Variants in ATG10 observed in about 807,000 individuals in gnomAD.
ATG10 encodes the protein ubiquitin-like-conjugating enzyme ATG10.
ATG10 carries 30 observed loss-of-function variants against 32.1 expected under a neutral mutation model. The ratio of observed to expected loss-of-function variants is 0.94; its 90% CI spans 0.70 to 1.27. The LOEUF (loss-of-function observed/expected upper bound fraction) is 1.27, where lower values mean the gene tolerates loss of function less well. ATG10 is among the 50% of genes most tolerant of loss of function. ATG10 has a pLI of 0.00. For synonymous variants in ATG10, 87 were observed against 91.5 expected, an observed-to-expected ratio of 0.95 and a Z score of 0.28; for missense variants, 233 against 262.3, an observed-to-expected ratio of 0.89 and a Z score of 0.77.
rs1561334476 is a variant in ATG10, at chr5:82,164,386, T to C, written c.217-13T>C. 1 of 1,613,020 alleles carries C rather than the reference T, an allele frequency of 6.2e-7. No individual in the cohort carries two copies. The highest frequency in any genetic ancestry group is 1.7e-5 in the Admixed American group (1 of 59,808). On this transcript the variant is annotated splice_polypyrimidine_tract_variant and intron_variant, in intron 3 of 7. Transcript: ENST00000282185. ...AAGAAACCCGTTTTCGTTTTGTTTT[T>C]GCTTTTTTTTAGGAGGCTTTCGAGC...
chr5:82,146,311 A>G (rs991755933), intron 3 of ATG10, among the ~76,000 whole-genome samples: 1 of 151,860 alleles, frequency 6.6e-6, no homozygotes, highest in African/African-American at 2.4e-5. Flanking sequence ...ATGTTCCCCT[A>G]TATTTAATAT....
chr5:82,018,062 T>G (rs1762336099), intron 2 of ATG10, among the ~76,000 whole-genome samples: 1 of 152,136 alleles, frequency 6.6e-6, no homozygotes. Context: ...CAGATGTCTC[T>G]CCCTTAAGGC....
intron 3 of ATG10, among the ~76,000 whole-genome samples, chr5:82,093,058 A>C (rs1467816161): frequency 6.6e-6 from 1 of 152,172 alleles, no homozygotes; most frequent in East Asian, 1.9e-4. Context: ...TACTTGCACT[A>C]TCCTAACTCA....
intron 3 of ATG10, among the ~76,000 whole-genome samples, chr5:82,083,705 G>T (rs1764567000): frequency 6.6e-6 from 1 of 152,142 alleles, no homozygotes. Flanking sequence ...CCACTGCCAG[G>T]CCAACAGGGT....
At chr5:82,067,795 C>G (rs558474392) in intron 3 of ATG10, among the ~76,000 whole-genome samples, 2 of 152,214 alleles carry the variant, frequency 1.3e-5, no homozygotes, top group Admixed American at 1.3e-4. Context: ...GTAGAAAAGC[C>G]TTTGTAAAGA....
chr5:82,056,654 G>T, intron 2 of ATG10, among the ~76,000 whole-genome samples: 1 of 151,592 alleles, frequency 6.6e-6, no homozygotes, highest in East Asian at 1.9e-4. Flanking sequence ...GAGTCTCTGG[G>T]GCCGGCAGTA....
At chr5:82,205,937 A>G (rs1375319422) in intron 5 of ATG10, among the ~76,000 whole-genome samples, 2 of 152,182 alleles carry the variant, frequency 1.3e-5, no homozygotes, top group Non-Finnish European at 2.9e-5. Flanking sequence ...AAAGAATAGA[A>G]CCTAAGTTTA....
chr5:82,049,187 G>A (rs1227038649), intron 2 of ATG10, among the ~76,000 whole-genome samples: 1 of 151,476 alleles, frequency 6.6e-6, no homozygotes, highest in Non-Finnish European at 1.5e-5. Context: ...AGAAAATGTG[G>A]CACATATACA....
chr5:82,172,828 T>C (rs1324818145), intron 4 of ATG10, among the ~76,000 whole-genome samples: 2 of 152,212 alleles, frequency 1.3e-5, no homozygotes, highest in Admixed American at 6.5e-5. Flanking sequence ...AAAATGCTTA[T>C]AGGAATAAAT....
At chr5:82,235,487 GT>G (rs1186621056) in intron 5 of ATG10, among the ~76,000 whole-genome samples, 14 of 152,092 alleles carry the variant, frequency 9.2e-5, no homozygotes, top group South Asian at 2.1e-4. Flanking sequence ...TTTGGACTAG[GT>G]TTTTTATTCT....
intron 3 of ATG10, among the ~76,000 whole-genome samples, chr5:82,129,963 G>A (rs1358013692): frequency 1.3e-5 from 2 of 152,140 alleles, no homozygotes; most frequent in African/African-American, 4.8e-5. Context: ...CTTCCCTTAG[G>A]TCGTCTGTCC....
chr5:81,993,471 C>T (rs542555342), intron 2 of ATG10, among the ~76,000 whole-genome samples: 1 of 146,966 alleles, frequency 6.8e-6, no homozygotes, highest in East Asian at 2.0e-4. Flanking sequence ...CCCTGTTGCC[C>T]AGGCTGGAGT....
At chr5:82,054,799 C>G (rs1322080725) in intron 2 of ATG10, among the ~76,000 whole-genome samples, 1 of 151,976 alleles carries the variant, frequency 6.6e-6, no homozygotes, top group Non-Finnish European at 1.5e-5. Context: ...CCTTGTCATC[C>G]CTTAGAGGAT....
At chr5:82,132,826 C>T (rs1766595943) in intron 3 of ATG10, among the ~76,000 whole-genome samples, 1 of 152,114 alleles carries the variant, frequency 6.6e-6, no homozygotes, top group South Asian at 2.1e-4. Flanking sequence ...CTGTCTTTGA[C>T]AATGGTTTAA....
intron 3 of ATG10, among the ~76,000 whole-genome samples, chr5:82,129,641 A>C (rs1766434603): frequency 6.6e-6 from 1 of 152,098 alleles, no homozygotes; most frequent in Admixed American, 6.6e-5. Context: ...AGGTCCACTC[A>C]AACCCTGTTT....
chr5:82,184,010 G>A (rs906737925), intron 5 of ATG10, among the ~76,000 whole-genome samples: 2 of 152,142 alleles, frequency 1.3e-5, no homozygotes, highest in Admixed American at 1.3e-4. Context: ...TGGCTTCCTT[G>A]TTTAGTGGTA....
intron 4 of ATG10, among the ~76,000 whole-genome samples, chr5:82,175,891 A>G (rs1216654718): frequency 1.5e-5 from 2 of 130,200 alleles, no homozygotes; most frequent in African/African-American, 5.5e-5. Context: ...ACACACGCAC[A>G]CACACACACA....
intron 3 of ATG10, among the ~76,000 whole-genome samples, chr5:82,148,857 T>G (rs558083252): frequency 2.0e-5 from 3 of 152,256 alleles, no homozygotes; most frequent in South Asian, 4.1e-4. Context: ...CATTTTTATC[T>G]TTTTATATTT....
chr5:82,138,819 T>G (rs1241929545), intron 3 of ATG10, among the ~76,000 whole-genome samples: 6 of 137,444 alleles, frequency 4.4e-5, no homozygotes, highest in African/African-American at 1.7e-4. Flanking sequence ...AGCTATCTAA[T>G]GAAGATTGAA....
Sources: allele counts gnomAD v4.1 joint callset (sites outside exome capture counted in the v4.1 genomes callset), GRCh38; gene constraint gnomAD v4.1.1; transcripts MANE v1.5; gene names NCBI Gene and HGNC (gene_info 2026-07-23, HGNC 2026-07-21).